SYNE1: variants seen among roughly 807,000 people sequenced by gnomAD.
SYNE1 encodes the protein spectrin repeat containing nuclear envelope protein 1, also known as nesprin-1.
In SYNE1, 616 loss-of-function variants were observed where a neutral mutation model predicts 1,111.0. That is an observed-to-expected ratio of 0.55 (90% CI 0.52 to 0.59). The LOEUF (loss-of-function observed/expected upper bound fraction) is 0.59. Among genes scored for constraint, SYNE1 ranks in the 20% least tolerant of loss-of-function variants. The pLI, the probability that SYNE1 is intolerant of heterozygous loss-of-function variation, is 0.00. For synonymous variants in SYNE1, 3,855 were observed against 3,825.8 expected (o/e 1.01, Z -0.28); for missense variants, 10,006 against 10,417.0 (o/e 0.96, Z 1.72).
chr6:152,450,525 C>G, intron 27 of SYNE1, 100 bp downstream of exon 27: 1 of 1,134,144 alleles, frequency 8.8e-7, no homozygotes, highest in South Asian at 1.2e-5. Context: ...AGAACATGAG[C>G]AAGAAATATG....
chr6:152,277,948 C>T lies in SYNE1; in HGVS notation c.18573+141G>A, dbSNP rs1195971335. ...GTCCAAGAGTGTAAACTTAAAGCTG[C>T]ATGCTAAAATGTCAGCGTAAAGCAG... is the stretch of plus-strand genomic sequence containing the variant. On this transcript the variant is annotated intron_variant, in intron 98 of 145. Transcript: ENST00000367255. 4.4e-6 allele frequency: 4 copies of T among 907,384 alleles called. No individual in the cohort carries two copies. The African/African-American group carries it at 6.5e-5, about 15-fold the overall frequency. 56.2% of individuals were successfully genotyped at this position (907,384 alleles called of 1,614,324 possible).
intron 127 of SYNE1, among the ~76,000 whole-genome samples, chr6:152,194,820 T>C (rs1390931866): frequency 6.6e-6 from 1 of 152,246 alleles, no homozygotes; most frequent in Non-Finnish European, 1.5e-5. Flanking sequence ...ATTACATTTT[T>C]CAACTTCAGA....
At chr6:152,321,911 A>T in intron 82 of SYNE1, 25 bp from the exon 83 acceptor site, 1 of 1,614,010 alleles carries the variant, frequency 6.2e-7, no homozygotes. Context: ...CAGGGATAAA[A>T]CAGAAGTGAA....
intron 128 of SYNE1, among the ~76,000 whole-genome samples, chr6:152,188,725 G>A (rs1476452354): frequency 4.0e-5 from 6 of 151,828 alleles, no homozygotes; most frequent in Non-Finnish European, 7.4e-5. Flanking sequence ...TTGGGAGGGC[G>A]AGGCGGACAA....
chr6:152,308,025 G>T (rs1478754061), intron 91 of SYNE1, among the ~76,000 whole-genome samples: 1 of 152,070 alleles, frequency 6.6e-6, no homozygotes, highest in African/African-American at 2.4e-5. Flanking sequence ...TAGAGACGGG[G>T]TTTCACCATG....
At chr6:152,248,435 C>T (rs1419043513) in intron 105 of SYNE1, among the ~76,000 whole-genome samples, 1 of 148,888 alleles carries the variant, frequency 6.7e-6, no homozygotes, top group Non-Finnish European at 1.5e-5. Flanking sequence ...AATAAAAATA[C>T]ATACACTTAT....
intron 11 of SYNE1, among the ~76,000 whole-genome samples, chr6:152,495,149 T>G (rs1289765351): frequency 6.6e-6 from 1 of 152,194 alleles, no homozygotes; most frequent in Non-Finnish European, 1.5e-5. Flanking sequence ...AAATCACTTC[T>G]CAGTGTTCCA....
intron 135 of SYNE1, among the ~76,000 whole-genome samples, chr6:152,151,085 G>A (rs563670902): frequency 6.6e-6 from 1 of 152,166 alleles, no homozygotes; most frequent in South Asian, 2.1e-4. Context: ...TGCCGGACTT[G>A]GTGGTATGTG....
intron 128 of SYNE1, among the ~76,000 whole-genome samples, chr6:152,184,831 G>T (rs2069333989): frequency 6.6e-6 from 1 of 152,012 alleles, no homozygotes; most frequent in Non-Finnish European, 1.5e-5. Flanking sequence ...TAAGGGCAAT[G>T]GCATCTTCCT....
chr6:152,221,264 C>G (rs1316046267), intron 118 of SYNE1, among the ~76,000 whole-genome samples, 162 bp downstream of exon 118: 1 of 152,196 alleles, frequency 6.6e-6, no homozygotes, highest in Non-Finnish European at 1.5e-5. Flanking sequence ...CTTTCTAAAT[C>G]TCTTCACTAC....
chr6:152,554,886 C>T lies in SYNE1; in HGVS notation c.68-14865G>A, dbSNP rs80278289. ...AATGTATTTTCCTTCATCCTGCAAC[C>T]TTCCAAGAAAACATTTTAATTTAAA... On this transcript the variant is annotated intron_variant, in intron 3 of 145. Coordinates refer to ENST00000367255, the MANE Select transcript of SYNE1 (RefSeq NM_182961.4). Among the ~76,000 whole-genome samples, 394 of 152,320 alleles carry T rather than the reference C, an allele frequency of 2.6e-3. 6 individuals are homozygous for T. The highest frequency in any genetic ancestry group is 0.022 in the East Asian group (115 of 5,186).
chr6:152,397,370 C>T (rs549981), intron 49 of SYNE1, among the ~76,000 whole-genome samples: 59,511 of 151,976 alleles, frequency 0.39, 12,124 homozygotes, highest in East Asian at 0.76. Flanking sequence ...TCCTCAGGCC[C>T]TTTCTTTTCC....
At chr6:152,332,148 A>G (rs1349647636) in intron 77 of SYNE1, among the ~76,000 whole-genome samples, 5 of 152,094 alleles carry the variant, frequency 3.3e-5, no homozygotes, top group Non-Finnish European at 7.4e-5. Context: ...CTAATTTTCT[A>G]TTTTTAGTAG....
At chr6:152,370,839 C>T (rs1212668635) in intron 59 of SYNE1, among the ~76,000 whole-genome samples, 3 of 152,096 alleles carry the variant, frequency 2.0e-5, no homozygotes, top group South Asian at 2.1e-4. Flanking sequence ...TGGTCTGGGT[C>T]GTCTACAATA....
intron 91 of SYNE1, 130 bp downstream of exon 91, chr6:152,308,359 G>C: frequency 1.6e-6 from 2 of 1,286,294 alleles, no homozygotes; most frequent in Non-Finnish European, 2.2e-6. Context: ...TAGCCAAAGA[G>C]GCCTCTCAAG....
chr6:152,419,504 T>C (rs2098219411), intron 40 of SYNE1, 65 bp downstream of exon 40: 1 of 1,507,210 alleles, frequency 6.6e-7, no homozygotes, highest in Non-Finnish European at 9.0e-7. Context: ...GCATCTCTTT[T>C]TAATTCAAGA....
At chr6:152,286,963 G>A (rs923049171) in intron 95 of SYNE1, among the ~76,000 whole-genome samples, 4 of 152,194 alleles carry the variant, frequency 2.6e-5, no homozygotes, top group African/African-American at 9.7e-5. Flanking sequence ...TACTCAAAGC[G>A]TGGTCCACAG....
At chr6:152,257,000 CAGAT>C (rs1190518798) in intron 101 of SYNE1, among the ~76,000 whole-genome samples, 1 of 151,574 alleles carries the variant, frequency 6.6e-6, no homozygotes, top group South Asian at 2.1e-4. Context: ...AAATGTCTGA[CAGAT>C]AGGAGGAATA....
intron 11 of SYNE1, 140 bp from the exon 12 acceptor site, chr6:152,488,643 C>T: frequency 6.8e-6 from 4 of 585,226 alleles, no homozygotes; most frequent in South Asian, 4.7e-5. Flanking sequence ...CTCCTTACCC[C>T]CACCTTTAGG....
Sources: gnomAD v4.1 joint callset for allele counts (sites outside exome capture counted in the v4.1 genomes callset) on GRCh38, gnomAD v4.1.1 for gene constraint, MANE v1.5 for transcripts, NCBI Gene and HGNC (gene_info 2026-07-23, HGNC 2026-07-21) for gene names.